The following GRIK3 variants were observed in gnomAD, a reference collection of about 807,000 sequenced individuals.
GRIK3 encodes glutamate receptor ionotropic, kainate 3.
GRIK3 carries 29 observed loss-of-function variants against 102.5 expected under a neutral mutation model. That is an observed-to-expected ratio of 0.28 (90% CI 0.21 to 0.39). The LOEUF (loss-of-function observed/expected upper bound fraction) is 0.39, where lower values mean the gene tolerates loss of function less well. GRIK3 is among the 10% of genes least tolerant of loss of function. GRIK3 has a pLI of 1.00. For missense variants in GRIK3, 908 were observed against 1,252.4 expected (o/e 0.73, Z 4.15); for synonymous variants, 511 against 504.9 (o/e 1.01, Z -0.16).
intron 2 of GRIK3, among the ~76,000 whole-genome samples, chr1:36,887,552 C>G (rs1045980470): frequency 1.3e-5 from 2 of 151,764 alleles, no homozygotes; most frequent in South Asian, 2.1e-4. Flanking sequence ...GTCAGGAGTT[C>G]GAGACCAGTC....
In GRIK3 at chr1:36,819,678, G is replaced by A; in HGVS notation, c.1873+58C>T. 1.1e-6 allele frequency: 1 copy of A among 913,324 alleles called. No homozygotes were observed. Among genetic ancestry groups the A allele is most frequent in the East Asian group, 2.4e-5 (1 of 41,820 alleles). The allele number at this position is 913,324 out of a possible 1,614,324, so 56.6% of individuals were successfully genotyped here. The stretch of plus-strand genomic sequence containing the variant: ...TGGCTCTGCTGATGCCAAAGAGGCT[G>A]AAGACCGCTTGGGGAAAGCAGACCC... On this transcript the variant is annotated intron_variant, in intron 12 of 15. Coordinates refer to ENST00000373091, the MANE Select transcript of GRIK3 (RefSeq NM_000831.4). This position sits in a 1 kb window ranked among gnomAD's most constrained non-coding sequence, Gnocchi z 4.1.
At position 36,805,230 on chromosome 1, in the gene GRIK3, T is replaced by G; in HGVS notation, c.2322A>C (p.Pro774=). 6.2e-7 allele frequency: 1 copy of G among 1,608,984 alleles called. No homozygotes were observed. The highest frequency in any genetic ancestry group is 8.5e-7 in the Non-Finnish European group (1 of 1,176,902). ...TGGCGATGGTGATCTTGTCCCGGTA[T>G]GGGGAGCCTGAGCAGGGAGAAGGGA... ...GYGIGTPMGS[P]YRDKITIAIL... Residue 774 remains proline (P), a synonymous_variant, in exon 15 of 16, where the codon CCA becomes CCC. Transcript: ENST00000373091.
intron 14 of GRIK3, among the ~76,000 whole-genome samples, chr1:36,805,538 C>T (rs1642489631): frequency 6.6e-6 from 1 of 152,214 alleles, no homozygotes; most frequent in Admixed American, 6.5e-5. Context: ...GGAATGGCCT[C>T]TGGGAACTGT....
intron 1 of GRIK3, among the ~76,000 whole-genome samples, chr1:36,919,992 G>A (rs1409339563): frequency 6.6e-6 from 1 of 152,210 alleles, no homozygotes; most frequent in East Asian, 1.9e-4. Context: ...TATGGCTCCC[G>A]GTTGCCAAAA....
At chr1:36,810,632 A>G (rs17506641) in intron 13 of GRIK3, among the ~76,000 whole-genome samples, 18,505 of 152,286 alleles carry the variant, frequency 0.12, 1,222 homozygotes, top group Non-Finnish European at 0.15. Context: ...GTGTGCAGAG[A>G]TGCAGTAGCA....
At chr1:36,887,696 C>A (rs1429381167) in intron 2 of GRIK3, among the ~76,000 whole-genome samples, 1 of 147,518 alleles carries the variant, frequency 6.8e-6, no homozygotes, top group Non-Finnish European at 1.5e-5. Flanking sequence ...GCGGAGGTTG[C>A]AATGAGCTGA....
intron 1 of GRIK3, among the ~76,000 whole-genome samples, chr1:37,013,878 C>G (rs1241746239): frequency 6.6e-6 from 1 of 152,238 alleles, no homozygotes; most frequent in Admixed American, 6.5e-5. Flanking sequence ...AAAGTTGGAG[C>G]AGGGCTTTGG....
intron 10 of GRIK3, among the ~76,000 whole-genome samples, chr1:36,840,694 T>C (rs1341759080): frequency 6.6e-6 from 1 of 151,860 alleles, no homozygotes; most frequent in African/African-American, 2.4e-5. Flanking sequence ...ACCACTGCAC[T>C]CCACCTTGGG....
chr1:36,868,605 A>G (rs1640811065), intron 5 of GRIK3, among the ~76,000 whole-genome samples: 1 of 152,210 alleles, frequency 6.6e-6, no homozygotes, highest in African/African-American at 2.4e-5. Context: ...AGCTACCAAC[A>G]TGACATGGAC....
intron 2 of GRIK3, among the ~76,000 whole-genome samples, chr1:36,882,722 A>C (rs1203238340): frequency 3.3e-5 from 5 of 152,188 alleles, no homozygotes; most frequent in African/African-American, 1.2e-4. Context: ...TGAACCTTCA[A>C]GGAAGTAACA....
At chr1:36,943,784 A>C (rs1477578737) in intron 1 of GRIK3, among the ~76,000 whole-genome samples, 1 of 152,232 alleles carries the variant, frequency 6.6e-6, no homozygotes, top group East Asian at 1.9e-4. Context: ...AGGATGAGCA[A>C]GGCACATGTG....
At chr1:36,859,789 AAAG>A (rs1640698715) in intron 6 of GRIK3, 52 bp downstream of exon 6, 2 of 1,358,064 alleles carry the variant, frequency 1.5e-6, no homozygotes, top group South Asian at 2.3e-5. Context: ...GGAGAGAAGA[AAAG>A]AAGGGAGGCA....
intron 1 of GRIK3, among the ~76,000 whole-genome samples, chr1:36,995,943 C>G (rs764939683): frequency 1.3e-5 from 2 of 152,200 alleles, no homozygotes; most frequent in Non-Finnish European, 2.9e-5. Context: ...GTCACATTCT[C>G]TTTGTGCTGG....
At chr1:36,916,311 G>C (rs1018863078) in intron 1 of GRIK3, among the ~76,000 whole-genome samples, 3 of 152,216 alleles carry the variant, frequency 2.0e-5, no homozygotes, top group Non-Finnish European at 2.9e-5. Context: ...AAAGGAAACA[G>C]AGTATAAAAG....
At chr1:36,925,282 C>T (rs1163747164) in intron 1 of GRIK3, among the ~76,000 whole-genome samples, 1 of 152,204 alleles carries the variant, frequency 6.6e-6, no homozygotes, top group Admixed American at 6.5e-5. Context: ...ACACACACGG[C>T]ACACACACAT....
At chr1:36,919,703 G>A (rs1166569657) in intron 1 of GRIK3, among the ~76,000 whole-genome samples, 2 of 152,216 alleles carry the variant, frequency 1.3e-5, no homozygotes, top group Admixed American at 6.5e-5. Flanking sequence ...TGCTGTGCCC[G>A]GCTGTCAGTG....
intron 1 of GRIK3, among the ~76,000 whole-genome samples, chr1:36,929,650 A>G (rs1641566521): frequency 6.6e-6 from 1 of 152,204 alleles, no homozygotes; most frequent in Non-Finnish European, 1.5e-5. Flanking sequence ...CCAGAGACCC[A>G]GCAAATAAAG....
intron 1 of GRIK3, among the ~76,000 whole-genome samples, chr1:36,908,780 T>G (rs796105019): frequency 4.9e-5 from 7 of 143,582 alleles, no homozygotes; most frequent in Non-Finnish European, 7.7e-5. Context: ...TGGGATAGGG[T>G]GTGTGTGTGT....
At chr1:36,926,712 A>C (rs577866915) in intron 1 of GRIK3, among the ~76,000 whole-genome samples, 1 of 152,064 alleles carries the variant, frequency 6.6e-6, no homozygotes, top group Non-Finnish European at 1.5e-5. Context: ...TTTAAGCAGG[A>C]TCTCCCAGGA....
Sources: gnomAD v4.1 joint callset for allele counts (sites outside exome capture counted in the v4.1 genomes callset) on GRCh38, gnomAD v4.1.1 for gene constraint, Gnocchi (gnomAD v3.1) non-coding constraint, MANE v1.5 for transcripts, NCBI Gene and HGNC (gene_info 2026-07-23, HGNC 2026-07-21) for gene names.